ADRA1A: variants seen among roughly 807,000 people sequenced by gnomAD.
ADRA1A encodes adrenoceptor alpha 1A.
ADRA1A carries 31 observed loss-of-function variants against 29.6 expected under a neutral mutation model. That is an observed-to-expected ratio of 1.05 (90% CI 0.79 to 1.41). The LOEUF is 1.41. Ranked by LOEUF, ADRA1A falls within the 40% of genes most tolerant of loss-of-function variation. The pLI, the probability that ADRA1A is intolerant of heterozygous loss-of-function variation, is 0.00. For missense variants in ADRA1A, 619 were observed against 601.1 expected, an observed-to-expected ratio of 1.03 and a Z score of -0.31; for synonymous variants, 311 against 254.3, an observed-to-expected ratio of 1.22 and a Z score of -2.12.
chr8:26,782,634 G>T (rs1247098852), intron 2 of ADRA1A, among the ~76,000 whole-genome samples: 10 of 152,082 alleles, frequency 6.6e-5, no homozygotes, highest in Admixed American at 6.6e-4. Context: ...AGAACTGGCT[G>T]GTACTTTCAG....
At chr8:26,837,650 CAA>C (rs372072664) in intron 2 of ADRA1A, among the ~76,000 whole-genome samples, 4 of 128,594 alleles carry the variant, frequency 3.1e-5, no homozygotes, top group Non-Finnish European at 5.0e-5. Context: ...GACTCTGTCT[CAA>C]AAAAAAAAAA....
Position 26,771,451 on chromosome 8 carries a change from C to T in ADRA1A, c.884-785G>A, listed in dbSNP as rs143471481. On this transcript the variant is annotated intron_variant, in intron 2 of 2. Coordinates refer to ENST00000380573, the MANE Select transcript of ADRA1A (RefSeq NM_000680.4). Reference sequence around the variant, plus strand: ...GTCCTCTCAAGTTGGGCCACTGTGTCCTTGATGCCCTTTTCCACCTTCTCT... The same window carrying T: ...GTCCTCTCAAGTTGGGCCACTGTGTTCTTGATGCCCTTTTCCACCTTCTCT... Among the ~76,000 whole-genome samples, 527 of 152,248 alleles carry T rather than the reference C, an allele frequency of 3.5e-3. 6 individuals are homozygous for T. Among genetic ancestry groups the T allele is most frequent in the African/African-American group, 0.012 (498 of 41,546 alleles).
downstream of ADRA1A, among the ~76,000 whole-genome samples, chr8:26,755,549 C>G (rs924242528): frequency 2.6e-5 from 4 of 152,200 alleles, no homozygotes; most frequent in Admixed American, 2.6e-4. Context: ...GGTTCACCAG[C>G]CCCTGGGCCT....
At chr8:26,851,647 A>G (rs1812639596) in intron 2 of ADRA1A, among the ~76,000 whole-genome samples, 2 of 152,200 alleles carry the variant, frequency 1.3e-5, no homozygotes, top group Admixed American at 1.3e-4. Context: ...ATTTTTTTAA[A>G]TGTGCATATC....
chr8:26,765,899 T>G, downstream of ADRA1A: 6 of 1,426,372 alleles, frequency 4.2e-6, no homozygotes, highest in Non-Finnish European at 4.6e-6. Context: ...TAAAATGTTC[T>G]CACTACCAGG....
At chr8:26,813,339 AC>A in intron 2 of ADRA1A, among the ~76,000 whole-genome samples, 1 of 152,328 alleles carries the variant, frequency 6.6e-6, no homozygotes, top group East Asian at 1.9e-4. Flanking sequence ...AGGCAAAACA[AC>A]TATAAGGTAT....
intron 2 of ADRA1A, among the ~76,000 whole-genome samples, chr8:26,809,016 T>G (rs547855032): frequency 6.0e-4 from 92 of 152,242 alleles, no homozygotes; most frequent in African/African-American, 2.2e-3. Context: ...TATTGATGAG[T>G]GAGCTCTTTA....
intron 2 of ADRA1A, chr8:26,779,340 A>T (rs1233524530): frequency 4.3e-6 from 3 of 702,432 alleles, no homozygotes; most frequent in Non-Finnish European, 2.6e-6. Context: ...TTCCTTCTCC[A>T]TCACCTCCAA....
chr8:26,765,570 T>C (rs1335225962), downstream of ADRA1A, among the ~76,000 whole-genome samples: 1 of 152,250 alleles, frequency 6.6e-6, no homozygotes, highest in Non-Finnish European at 1.5e-5. Context: ...GGTGGTTTCA[T>C]AGTTAAAAGT....
At chr8:26,751,740 T>A (rs576062277), downstream of ADRA1A, among the ~76,000 whole-genome samples, 3 of 152,364 alleles carry the variant, frequency 2.0e-5, no homozygotes, top group South Asian at 6.2e-4. Context: ...TAACAGCAAT[T>A]GCAACAACAA....
rs538077496 is a variant in ADRA1A, at chr8:26,819,812, C to T, written c.883+44275G>A. ...AATTCTTCAATAAAAAGACACAGAG[C>T]ACCTGAATGGGTTTAAAAAACAAGA... is the stretch of plus-strand genomic sequence containing the variant. On this transcript the variant is annotated intron_variant, in intron 2 of 2. Transcript: ENST00000380573. 2.6e-5 allele frequency among the ~76,000 whole-genome samples: 4 copies of T among 152,138 alleles called. No individual in the cohort carries two copies. In the South Asian group the frequency reaches 8.3e-4, roughly 31 times the overall value.
At position 26,866,134 on chromosome 8, in the gene ADRA1A, G is replaced by A. The variant is rs563934455; in HGVS notation, c.-686-479C>T. Among the ~76,000 whole-genome samples, 10 of 152,278 alleles carry A rather than the reference G, an allele frequency of 6.6e-5. No homozygotes were observed. Among genetic ancestry groups the A allele is most frequent in the Admixed American group, 4.6e-4 (7 of 15,306 alleles). On this transcript the variant is annotated intron_variant, in intron 1 of 2. Transcript: ENST00000380573. This position sits in a 1 kb window ranked among gnomAD's most constrained non-coding sequence, Gnocchi z 5.7. ...TGGGAGAGGGAACAGCTGCGACCCA[G>A]GGACCTCAGGGCCAGGACCACGAGC...
rs182119662 is a variant in ADRA1A at position 26,773,795 on chromosome 8, C to T, written c.884-3129G>A. On this transcript the variant is annotated intron_variant, in intron 2 of 2. Transcript: ENST00000380573. ...TTCCTTCCCATCCCTTCTTTCCTTG[C>T]GTGGCCCTGCTCTTAATTCCAGGTA... 3.7e-4 allele frequency among the ~76,000 whole-genome samples: 56 copies of T among 152,232 alleles called. 1 individual carries two copies. The highest frequency in any genetic ancestry group is 7.2e-4 in the Admixed American group (11 of 15,290).
At chr8:26,835,740 A>G (rs1811303619) in intron 2 of ADRA1A, 1 of 152,240 alleles carries the variant, frequency 6.6e-6, no homozygotes, top group African/African-American at 2.4e-5. Context: ...GCAATTCCTC[A>G]TAGAGATATT....
chr8:26,810,196 A>AT (rs1809280864), intron 2 of ADRA1A, among the ~76,000 whole-genome samples: 1 of 152,220 alleles, frequency 6.6e-6, no homozygotes, highest in African/African-American at 2.4e-5. Context: ...ACCAAAGTAA[A>AT]TTTTTACAAA....
intron 2 of ADRA1A, chr8:26,771,685 C>T (rs1283496462): frequency 6.6e-6 from 1 of 152,426 alleles, no homozygotes; most frequent in Non-Finnish European, 1.5e-5. Flanking sequence ...CAGCTGCCGC[C>T]AAGATGCTCT....
intron 2 of ADRA1A, among the ~76,000 whole-genome samples, chr8:26,839,060 G>A (rs1163493252): frequency 1.3e-5 from 2 of 151,994 alleles, no homozygotes; most frequent in Non-Finnish European, 2.9e-5. Flanking sequence ...GCAAATTTGT[G>A]TATTTAAAGC....
chr8:26,815,963 G>T lies in ADRA1A; in HGVS notation c.884-45297C>A, dbSNP rs1381480714. On this transcript the variant is annotated intron_variant, in intron 2 of 2. Coordinates refer to ENST00000380573, the MANE Select transcript of ADRA1A (RefSeq NM_000680.4). This position sits in a 1 kb window ranked among gnomAD's most constrained non-coding sequence, Gnocchi z 4.2. ...GGAGGGGGCGTGTCCAGGTGCTGCTGGTTGCTTTATCATGAGCCTTGAAAA... is the reference window on the plus strand; with the variant it reads ...GGAGGGGGCGTGTCCAGGTGCTGCTTGTTGCTTTATCATGAGCCTTGAAAA... Among the ~76,000 whole-genome samples, 1 of 152,128 alleles carries T rather than the reference G, an allele frequency of 6.6e-6. No individual in the cohort carries two copies. Among genetic ancestry groups the T allele is most frequent in the Non-Finnish European group, 1.5e-5 (1 of 68,024 alleles).
At chr8:26,783,942 C>T (rs1807180479) in intron 2 of ADRA1A, among the ~76,000 whole-genome samples, 2 of 152,066 alleles carry the variant, frequency 1.3e-5, no homozygotes, top group Admixed American at 6.6e-5. Flanking sequence ...GAAAACCAGA[C>T]ACCACATGTT....
Sources: allele counts gnomAD v4.1 joint callset (sites outside exome capture counted in the v4.1 genomes callset), GRCh38; gene constraint gnomAD v4.1.1; non-coding constraint Gnocchi (gnomAD v3.1); transcripts MANE v1.5; gene names NCBI Gene and HGNC (gene_info 2026-07-23, HGNC 2026-07-21).